The following FMN1 variants were observed in gnomAD, a reference collection of about 807,000 sequenced individuals.
FMN1 encodes formin-1.
Under a neutral mutation model 132.4 loss-of-function variants are expected in FMN1, and 110 were observed. The ratio of observed to expected loss-of-function variants is 0.83; its 90% CI spans 0.71 to 0.97. The LOEUF (loss-of-function observed/expected upper bound fraction) is 0.97. Among genes scored for constraint, FMN1 ranks in the 50% least tolerant of loss-of-function variants. FMN1 has a pLI of 0.00. For synonymous variants in FMN1, 722 were observed against 651.7 expected (o/e 1.11, Z -1.64); for missense variants, 1,792 against 1,705.3 (o/e 1.05, Z -0.90).
At chr15:32,937,381 TG>T (rs2061300429) in intron 9 of FMN1, among the ~76,000 whole-genome samples, 1 of 152,320 alleles carries the variant, frequency 6.6e-6, no homozygotes, top group South Asian at 2.1e-4. Context: ...GTGAGTGCCA[TG>T]AATTTTCCTA....
rs2035766680 is a variant in FMN1, at chr15:33,028,126, TTA to T, written c.2162-20053_2162-20052del. Among the ~76,000 whole-genome samples the T allele has an allele frequency of 2.0e-5, 3 of 152,188 alleles. No individual in the cohort carries two copies. The South Asian group carries it at 6.2e-4, about 32-fold the overall frequency. ...TCACCTGGGGAGGTTTAAAATTTACTTATGTCTGGATTCCAGCCCTAGACATA... is the reference window on the plus strand; with the variant it reads ...TCACCTGGGGAGGTTTAAAATTTACTTGTCTGGATTCCAGCCCTAGACATA... On this transcript the variant is annotated intron_variant, in intron 6 of 20. Coordinates refer to ENST00000616417, the MANE Select transcript of FMN1 (RefSeq NM_001277313.2).
chr15:32,936,663 A>T (rs2061279122), intron 9 of FMN1, among the ~76,000 whole-genome samples: 1 of 151,898 alleles, frequency 6.6e-6, no homozygotes, highest in Non-Finnish European at 1.5e-5. Flanking sequence ...TGGGAGGAAG[A>T]GGAGAAGGAG....
intron 12 of FMN1, among the ~76,000 whole-genome samples, chr15:32,906,424 C>T (rs1381039020): frequency 6.6e-6 from 1 of 152,222 alleles, no homozygotes; most frequent in Non-Finnish European, 1.5e-5. Context: ...CAGCGATACC[C>T]ATTTGTTTAT....
At chr15:33,077,805 A>C (rs1412665073) in intron 5 of FMN1, among the ~76,000 whole-genome samples, 1 of 151,710 alleles carries the variant, frequency 6.6e-6, no homozygotes, top group Non-Finnish European at 1.5e-5. Flanking sequence ...AAAAAAAAAA[A>C]AAACATCAAA....
chr15:32,784,053 G>C (rs2056766610), intron 19 of FMN1, among the ~76,000 whole-genome samples: 1 of 152,148 alleles, frequency 6.6e-6, no homozygotes, highest in African/African-American at 2.4e-5. Flanking sequence ...AATAACAGAA[G>C]TGCTTTTATT....
intron 10 of FMN1, among the ~76,000 whole-genome samples, chr15:32,920,239 T>C (rs142953562): frequency 6.6e-6 from 1 of 152,294 alleles, no homozygotes; most frequent in East Asian, 1.9e-4. Context: ...TTTGCAATCA[T>C]GTAGGCAGTC....
chr15:33,064,001 G>A (rs2037602997), intron 6 of FMN1: 3 of 152,152 alleles, frequency 2.0e-5, no homozygotes, highest in African/African-American at 7.2e-5. Flanking sequence ...ATGCCCTGCA[G>A]AAACTGTGTA....
At chr15:32,890,844 G>A (rs2060009882) in intron 15 of FMN1, among the ~76,000 whole-genome samples, 1 of 152,174 alleles carries the variant, frequency 6.6e-6, no homozygotes, top group African/African-American at 2.4e-5. Flanking sequence ...TTTTTCCAAT[G>A]TTATCTTCTA....
At chr15:32,834,733 T>C (rs1269469477) in intron 17 of FMN1, among the ~76,000 whole-genome samples, 1 of 152,234 alleles carries the variant, frequency 6.6e-6, no homozygotes, top group Non-Finnish European at 1.5e-5. Context: ...ATCTAGGTAG[T>C]ACCTTTCTTT....
At chr15:33,037,498 C>G (rs1056469757) in intron 6 of FMN1, among the ~76,000 whole-genome samples, 1 of 152,106 alleles carries the variant, frequency 6.6e-6, no homozygotes, top group Non-Finnish European at 1.5e-5. Flanking sequence ...GGAGCAGGCT[C>G]ATATATGAGG....
At chr15:33,090,185 G>C (rs907353821) in intron 4 of FMN1, among the ~76,000 whole-genome samples, 2 of 152,154 alleles carry the variant, frequency 1.3e-5, no homozygotes, top group Admixed American at 6.5e-5. Flanking sequence ...TTTTGCAATA[G>C]AGATCACTGT....
intron 9 of FMN1, among the ~76,000 whole-genome samples, chr15:32,938,974 G>A (rs2061341090): frequency 6.6e-6 from 1 of 152,146 alleles, no homozygotes; most frequent in Non-Finnish European, 1.5e-5. Context: ...CAAAGAGCCT[G>A]CTGTACATAA....
chr15:33,082,600 G>C (rs1162863550), intron 5 of FMN1, among the ~76,000 whole-genome samples: 1 of 152,114 alleles, frequency 6.6e-6, no homozygotes, highest in African/African-American at 2.4e-5. Context: ...TGCTTCTCTA[G>C]TCTCTGACTA....
At chr15:32,945,812 A>C (rs2061497468) in intron 9 of FMN1, among the ~76,000 whole-genome samples, 1 of 152,186 alleles carries the variant, frequency 6.6e-6, no homozygotes, top group Non-Finnish European at 1.5e-5. Context: ...GCCTCAAGCC[A>C]CTGGAAGGCA....
intron 7 of FMN1, among the ~76,000 whole-genome samples, chr15:32,974,372 T>C (rs1453696609): frequency 6.6e-6 from 1 of 152,222 alleles, no homozygotes; most frequent in East Asian, 1.9e-4. Flanking sequence ...CTTTCATTTT[T>C]AATCACATCC....
At chr15:32,995,274 A>T (rs1275510997) in intron 7 of FMN1, among the ~76,000 whole-genome samples, 2 of 152,180 alleles carry the variant, frequency 1.3e-5, no homozygotes, top group African/African-American at 4.8e-5. Context: ...AAATTGCCAC[A>T]ATCAGAAAAT....
rs2056293751 is a variant in FMN1, at chr15:32,772,832, C to T, written c.*1478G>A. On this transcript the variant is annotated 3_prime_UTR_variant, in exon 21 of 21. Transcript: ENST00000616417. Reference sequence around the variant, plus strand: ...GCATTCCTGAGGGGCTGCTGGCTGGCAGGCATATCCTGGGAAGATGCTCAG... The same window carrying T: ...GCATTCCTGAGGGGCTGCTGGCTGGTAGGCATATCCTGGGAAGATGCTCAG... The T allele has an allele frequency of 1.3e-5, 2 of 152,378 alleles. No individual in the cohort carries two copies. The highest frequency in any genetic ancestry group is 2.4e-5 in the African/African-American group (1 of 41,438). 9.4% of individuals were successfully genotyped at this position (152,378 alleles called of 1,614,324 possible).
At chr15:33,110,164 A>T (rs1299971442) in intron 4 of FMN1, among the ~76,000 whole-genome samples, 1 of 152,110 alleles carries the variant, frequency 6.6e-6, no homozygotes, top group Non-Finnish European at 1.5e-5. Context: ...ATTCTCTAAA[A>T]TGCAAACATT....
intron 6 of FMN1, among the ~76,000 whole-genome samples, chr15:33,048,644 A>AAAAAAAAAAAAAACACAAAAAC: frequency 1.2e-5 from 1 of 86,920 alleles, no homozygotes; most frequent in Admixed American, 1.6e-4. Flanking sequence ...AAAAAAAAAA[A>AAAAAAAAAAAAAACACAAAAAC]AAAAACCAAC....
Sources: allele counts gnomAD v4.1 joint callset (sites outside exome capture counted in the v4.1 genomes callset), GRCh38; gene constraint gnomAD v4.1.1; transcripts MANE v1.5; gene names NCBI Gene and HGNC (gene_info 2026-07-23, HGNC 2026-07-21).